Variants in TTC23 observed in about 807,000 individuals in gnomAD.
TTC23 encodes the protein tetratricopeptide repeat domain 23, also known as tetratricopeptide repeat protein 23.
In TTC23, 58 loss-of-function variants were observed where a neutral mutation model predicts 55.1. That is an observed-to-expected ratio of 1.05 (90% CI 0.85 to 1.31). TTC23 has a LOEUF of 1.31. TTC23 is among the 50% of genes most tolerant of loss of function. TTC23 has a pLI of 0.00. For missense variants in TTC23, 516 were observed against 534.4 expected (o/e 0.97, Z 0.34); for synonymous variants, 203 against 199.9 (o/e 1.02, Z -0.13).
At chr15:99,188,345 G>T (rs1378120292) in intron 9 of TTC23, among the ~76,000 whole-genome samples, 1 of 151,940 alleles carries the variant, frequency 6.6e-6, no homozygotes, top group Non-Finnish European at 1.5e-5. Context: ...GGGGGAAGAG[G>T]GAGGAATGAC....
intron 8 of TTC23, among the ~76,000 whole-genome samples, chr15:99,217,119 G>A (rs2077532825): frequency 6.6e-6 from 1 of 151,658 alleles, no homozygotes; most frequent in Non-Finnish European, 1.5e-5. Flanking sequence ...GAAGCAGAAT[G>A]ATACATACGC....
intron 12 of TTC23, chr15:99,148,616 C>T (rs377286599): frequency 6.6e-6 from 1 of 152,094 alleles, no homozygotes; most frequent in African/African-American, 2.4e-5. Context: ...TGACTGGACC[C>T]AAATCCGACT....
intron 2 of TTC23, among the ~76,000 whole-genome samples, chr15:99,242,787 A>G (rs2079916835): frequency 6.6e-6 from 1 of 152,234 alleles, no homozygotes; most frequent in African/African-American, 2.4e-5. Context: ...CCATTATCCA[A>G]TCATGATTAA....
intron 9 of TTC23, 76 bp from the exon 10 acceptor site, chr15:99,175,231 G>C: frequency 8.2e-7 from 1 of 1,222,138 alleles, no homozygotes; most frequent in Non-Finnish European, 1.2e-6. Context: ...TCCTTGCAGA[G>C]ATAAGCAGAA....
At chr15:99,139,785 A>C (rs975656510) in intron 12 of TTC23, 9 of 1,274,944 alleles carry the variant, frequency 7.1e-6, no homozygotes, top group Non-Finnish European at 8.3e-6. Context: ...TTTTTTGTAA[A>C]CACATACTCT....
At chr15:99,194,230 T>C (rs1318674022) in intron 9 of TTC23, among the ~76,000 whole-genome samples, 1 of 152,134 alleles carries the variant, frequency 6.6e-6, no homozygotes, top group African/African-American at 2.4e-5. Flanking sequence ...CAGGAAGTTA[T>C]TTTGTGGATA....
At chr15:99,198,558 C>G (rs764897256) in intron 9 of TTC23, among the ~76,000 whole-genome samples, 4 of 152,194 alleles carry the variant, frequency 2.6e-5, no homozygotes, top group Admixed American at 1.3e-4. Context: ...AATCCATTCT[C>G]TACAAATCAT....
At chr15:99,163,653 G>T (rs1472039589) in intron 10 of TTC23, among the ~76,000 whole-genome samples, 1 of 152,200 alleles carries the variant, frequency 6.6e-6, no homozygotes, top group Admixed American at 6.5e-5. Flanking sequence ...TAACCCCCAT[G>T]GTGATGATAG....
chr15:99,156,009 T>C, intron 12 of TTC23, 139 bp downstream of exon 12: 1 of 1,153,894 alleles, frequency 8.7e-7, no homozygotes. Context: ...AGGTTAGATC[T>C]ACCACAAAAG....
intron 9 of TTC23, among the ~76,000 whole-genome samples, chr15:99,184,296 A>C (rs543400766): frequency 1.4e-4 from 21 of 152,272 alleles, no homozygotes; most frequent in African/African-American, 5.1e-4. Flanking sequence ...CAGACCCCAG[A>C]ATTGCAGGTC....
chr15:99,185,798 C>T (rs1007704848), intron 9 of TTC23, among the ~76,000 whole-genome samples: 7 of 152,146 alleles, frequency 4.6e-5, no homozygotes, highest in African/African-American at 9.7e-5. Flanking sequence ...AGGTAGATGA[C>T]GGCTCTTTCA....
intron 4 of TTC23, among the ~76,000 whole-genome samples, chr15:99,229,032 C>CACACATACATACATATATATGT (rs2078714366): frequency 1.0e-5 from 1 of 97,080 alleles, no homozygotes; most frequent in Non-Finnish European, 2.2e-5. Flanking sequence ...TACATACATA[C>CACACATACATACATATATATGT]GTAAAGTCCA....
At chr15:99,184,300 G>C (rs796486173) in intron 9 of TTC23, among the ~76,000 whole-genome samples, 4 of 152,270 alleles carry the variant, frequency 2.6e-5, no homozygotes, top group African/African-American at 9.6e-5. Flanking sequence ...CCCCAGAATT[G>C]CAGGTCCACT....
intron 12 of TTC23, among the ~76,000 whole-genome samples, chr15:99,142,778 C>G (rs1400950787): frequency 6.6e-6 from 1 of 152,186 alleles, no homozygotes; most frequent in East Asian, 1.9e-4. Flanking sequence ...TAACCATCCC[C>G]ACCTGTTACA....
At chr15:99,201,738 G>A (rs536294842) in intron 8 of TTC23, among the ~76,000 whole-genome samples, 23 of 152,176 alleles carry the variant, frequency 1.5e-4, no homozygotes, top group Non-Finnish European at 2.2e-4. Flanking sequence ...AGATTAATAG[G>A]CGACCCAGTA....
intron 3 of TTC23, among the ~76,000 whole-genome samples, chr15:99,235,807 C>T (rs1052521668): frequency 2.0e-5 from 3 of 152,196 alleles, no homozygotes; most frequent in Admixed American, 6.5e-5. Flanking sequence ...ACAGTAACTT[C>T]CCATTCCCCC....
At chr15:99,149,717 C>T (rs1255541795) in intron 12 of TTC23, among the ~76,000 whole-genome samples, 12 of 152,230 alleles carry the variant, frequency 7.9e-5, no homozygotes, top group Non-Finnish European at 1.5e-5. Flanking sequence ...AGCCTCAGGC[C>T]CCTTCTCTGT....
At chr15:99,201,900 T>G (rs1261580931) in intron 8 of TTC23, among the ~76,000 whole-genome samples, 1 of 152,080 alleles carries the variant, frequency 6.6e-6, no homozygotes, top group South Asian at 2.1e-4. Flanking sequence ...AAACATATGG[T>G]TGGTAAGAAA....
At chr15:99,221,555 C>T (rs1199084940) in intron 6 of TTC23, among the ~76,000 whole-genome samples, 186 bp downstream of exon 6, 1 of 151,974 alleles carries the variant, frequency 6.6e-6, no homozygotes, top group Non-Finnish European at 1.5e-5. Flanking sequence ...ATATTTTTTC[C>T]ATTTTTCCCC....
Sources: allele counts gnomAD v4.1 joint callset (sites outside exome capture counted in the v4.1 genomes callset), GRCh38; gene constraint gnomAD v4.1.1; transcripts MANE v1.5; gene names NCBI Gene and HGNC (gene_info 2026-07-23, HGNC 2026-07-21).